The following KCMF1 variants were observed in gnomAD, a reference collection of about 807,000 sequenced individuals.
The protein encoded by KCMF1 is potassium channel modulatory factor 1.
KCMF1 carries 3 observed loss-of-function variants against 41.1 expected under a neutral mutation model. The ratio of observed to expected loss-of-function variants is 0.07; its 90% CI spans 0.03 to 0.19. KCMF1 has a LOEUF of 0.19. KCMF1 is among the 10% of genes least tolerant of loss of function. The probability of loss-of-function intolerance (pLI) is 1.00; values close to 1 mark genes in which losing one functional copy is unlikely to be tolerated. For missense variants in KCMF1, 286 were observed against 488.9 expected (o/e 0.58, Z 3.91); for synonymous variants, 142 against 164.5 (o/e 0.86, Z 1.04).
intron 3 of KCMF1, among the ~76,000 whole-genome samples, chr2:85,041,783 T>TTTTTTTA (rs1675543568): frequency 4.9e-5 from 7 of 141,852 alleles, no homozygotes; most frequent in Admixed American, 6.9e-5. Context: ...TTTTTTTTTT[T>TTTTTTTA]AAAAAAAGCA....
At chr2:85,018,795 ATTT>A (rs34627507) in intron 1 of KCMF1, among the ~76,000 whole-genome samples, 8 of 73,680 alleles carry the variant, frequency 1.1e-4, no homozygotes, top group African/African-American at 4.2e-4. Flanking sequence ...CAGAACTTTG[ATTT>A]TTTTTTTTTT....
At chr2:85,045,359 A>T (rs1447810585) in intron 4 of KCMF1, among the ~76,000 whole-genome samples, 2 of 152,184 alleles carry the variant, frequency 1.3e-5, no homozygotes, top group Non-Finnish European at 2.9e-5. Context: ...CAGGGCATGT[A>T]CCGTGACACC....
chr2:85,039,150 G>T (rs368075947), intron 3 of KCMF1, among the ~76,000 whole-genome samples: 1 of 152,228 alleles, frequency 6.6e-6, no homozygotes, highest in African/African-American at 2.4e-5. Flanking sequence ...TACTCAGTAA[G>T]TGCTTAACGG....
chr2:84,980,938 G>T (rs1012428929), intron 1 of KCMF1, among the ~76,000 whole-genome samples: 1 of 152,024 alleles, frequency 6.6e-6, no homozygotes, highest in Non-Finnish European at 1.5e-5. Context: ...ACCACACCCA[G>T]CCTAGCCTCA....
chr2:85,016,443 A>AC (rs60950379), intron 1 of KCMF1, among the ~76,000 whole-genome samples: 10 of 152,052 alleles, frequency 6.6e-5, no homozygotes, highest in Admixed American at 2.0e-4. Flanking sequence ...CTAAAAAAAA[A>AC]CAGACAAACC....
chr2:85,001,470 A>G (rs1275795420), intron 1 of KCMF1, among the ~76,000 whole-genome samples: 1 of 152,140 alleles, frequency 6.6e-6, no homozygotes, highest in Non-Finnish European at 1.5e-5. Flanking sequence ...CCAGCCTTAC[A>G]TAATTTTAAA....
intron 1 of KCMF1, among the ~76,000 whole-genome samples, chr2:84,993,494 A>G (rs1419593918): frequency 6.6e-6 from 1 of 152,070 alleles, no homozygotes; most frequent in East Asian, 1.9e-4. Context: ...CCCTTAATCT[A>G]TTACCCAGCT....
chr2:84,992,853 C>T lies in KCMF1; in HGVS notation c.16+21386C>T, dbSNP rs111836520. ...GCCAGGATGGTCTCGATCTCCTGAC[C>T]TTGTGATCCGCCCGCCTCGGCCTCC... On this transcript the variant is annotated intron_variant, in intron 1 of 6. Coordinates refer to ENST00000409785, the MANE Select transcript of KCMF1 (RefSeq NM_020122.5). 2.8e-4 allele frequency among the ~76,000 whole-genome samples: 43 copies of T among 152,124 alleles called. 1 individual carries two copies. The highest frequency in any genetic ancestry group is 4.7e-4 in the Non-Finnish European group (32 of 67,998).
chr2:84,997,046 A>C (rs757114009), intron 1 of KCMF1, among the ~76,000 whole-genome samples: 3 of 152,230 alleles, frequency 2.0e-5, no homozygotes, highest in Non-Finnish European at 4.4e-5. Flanking sequence ...ATGTAAACAT[A>C]GAAAAGATAC....
intron 1 of KCMF1, among the ~76,000 whole-genome samples, chr2:85,019,299 T>A (rs535146056): frequency 1.3e-5 from 2 of 152,162 alleles, no homozygotes; most frequent in African/African-American, 2.4e-5. Context: ...GTCTGTGTCA[T>A]AAAATGACAC....
rs568588042 is a variant in KCMF1 at position 85,048,571 on chromosome 2, A to G, written c.602-795A>G. ...TCTGCAAGGCAGTCATCGATTCCCTATAAGCGAGGTGGACCCTCCACTTGG... is the reference window on the plus strand; with the variant it reads ...TCTGCAAGGCAGTCATCGATTCCCTGTAAGCGAGGTGGACCCTCCACTTGG... On this transcript the variant is annotated intron_variant, in intron 5 of 6. Coordinates refer to ENST00000409785, the MANE Select transcript of KCMF1 (RefSeq NM_020122.5). 2.7e-3 allele frequency among the ~76,000 whole-genome samples: 408 copies of G among 152,366 alleles called. 3 individuals are homozygous for G. Among genetic ancestry groups the G allele is most frequent in the African/African-American group, 8.8e-3 (368 of 41,588 alleles).
chr2:85,049,397 T>A lies in KCMF1; in HGVS notation c.633T>A (p.Arg211=). The A allele has an allele frequency of 6.2e-7, 1 of 1,613,962 alleles. No homozygotes were observed. Among genetic ancestry groups the A allele is most frequent in the Non-Finnish European group, 8.5e-7 (1 of 1,179,804 alleles). ...ELLSQLSGVR[R]SAGGQLNSSG... is the part of the protein sequence containing the mutation. ...TATCTCAGTTATCAGGAGTGAGACG[T>A]TCTGCAGGAGGACAGCTTAATTCCT... Residue 211 remains arginine (R), a synonymous_variant, in exon 6 of 7, where the codon CGT becomes CGA. Coordinates refer to ENST00000409785, the MANE Select transcript of KCMF1 (RefSeq NM_020122.5).
chr2:85,041,771 T>G (rs1268521890), intron 3 of KCMF1, among the ~76,000 whole-genome samples: 1 of 151,268 alleles, frequency 6.6e-6, no homozygotes, highest in African/African-American at 2.4e-5. Flanking sequence ...CTTTTTTTTT[T>G]TTTTTTTTTT....
intron 1 of KCMF1, among the ~76,000 whole-genome samples, chr2:84,984,715 G>A (rs1673856133): frequency 1.3e-5 from 2 of 152,256 alleles, no homozygotes; most frequent in Middle Eastern, 6.8e-3. Context: ...AGCTACTCGG[G>A]AGGCTGAGGC....
intron 1 of KCMF1, among the ~76,000 whole-genome samples, chr2:84,980,609 C>T (rs1000288602): frequency 1.3e-5 from 2 of 151,654 alleles, no homozygotes; most frequent in African/African-American, 4.8e-5. Context: ...TGAGTTCATC[C>T]AATTCATATA....
chr2:84,980,731 T>G (rs1034808991), intron 1 of KCMF1, among the ~76,000 whole-genome samples: 3 of 151,840 alleles, frequency 2.0e-5, no homozygotes, highest in African/African-American at 7.3e-5. Context: ...AGCCTCAACC[T>G]TTGGGCTTAC....
At chr2:85,011,732 A>G (rs1434980452) in intron 1 of KCMF1, among the ~76,000 whole-genome samples, 1 of 152,110 alleles carries the variant, frequency 6.6e-6, no homozygotes, top group African/African-American at 2.4e-5. Flanking sequence ...CAGAGTGTAA[A>G]CCGGAAGCAA....
chr2:84,971,528 G>A (rs1189806471), intron 1 of KCMF1, 61 bp downstream of exon 1: 3 of 1,025,802 alleles, frequency 2.9e-6, no homozygotes, highest in Non-Finnish European at 3.7e-6. Flanking sequence ...CGCCCGGGCC[G>A]GGCGCGGCGG....
At chr2:84,988,107 C>G (rs755845435) in intron 1 of KCMF1, among the ~76,000 whole-genome samples, 1 of 152,058 alleles carries the variant, frequency 6.6e-6, no homozygotes, top group Admixed American at 6.6e-5. Context: ...TGGCGCATGC[C>G]TGTAATCCCA....
Sources: allele counts gnomAD v4.1 joint callset (sites outside exome capture counted in the v4.1 genomes callset), GRCh38; gene constraint gnomAD v4.1.1; transcripts MANE v1.5; gene names NCBI Gene and HGNC (gene_info 2026-07-23, HGNC 2026-07-21).